Variants in LEKR1 observed in about 807,000 individuals in gnomAD.
The protein encoded by LEKR1 is protein LEKR1.
LEKR1 carries 59 observed loss-of-function variants against 72.4 expected under a neutral mutation model. The observed-to-expected ratio is 0.82, with a 90% CI of 0.66 to 1.01. The LOEUF (loss-of-function observed/expected upper bound fraction) is 1.01. Ranked by LOEUF, LEKR1 falls within the 50% of genes least tolerant of loss-of-function variation. The pLI is 0.00. For missense variants in LEKR1, 728 were observed against 759.2 expected (o/e 0.96, Z 0.48); for synonymous variants, 257 against 263.2 (o/e 0.98, Z 0.23).
At chr3:156,999,721 C>G (rs1430985954) in intron 9 of LEKR1, among the ~76,000 whole-genome samples, 1 of 152,144 alleles carries the variant, frequency 6.6e-6, no homozygotes, top group Non-Finnish European at 1.5e-5. Context: ...AGCGCTTTTT[C>G]TAATTCACCA....
intron 6 of LEKR1, among the ~76,000 whole-genome samples, chr3:156,949,062 C>T (rs892738739): frequency 1.3e-5 from 2 of 151,048 alleles, no homozygotes; most frequent in Admixed American, 6.6e-5. Flanking sequence ...TGATAATAGA[C>T]CTTTGTCTGC....
intron 6 of LEKR1, among the ~76,000 whole-genome samples, chr3:156,970,577 T>G (rs1197204396): frequency 6.6e-6 from 1 of 152,202 alleles, no homozygotes; most frequent in Non-Finnish European, 1.5e-5. Context: ...ATGACATGAT[T>G]GTGTATCTAG....
At chr3:156,911,953 T>C (rs1177361349) in intron 3 of LEKR1, among the ~76,000 whole-genome samples, 1 of 152,134 alleles carries the variant, frequency 6.6e-6, no homozygotes, top group African/African-American at 2.4e-5. Context: ...TTTGGCTTTG[T>C]TCTTTTTGCT....
Position 156,883,957 on chromosome 3 carries a change from C to A in LEKR1, c.263+30975C>A, listed in dbSNP as rs528707074. On this transcript the variant is annotated intron_variant, in intron 3 of 12. Coordinates refer to ENST00000356539, the MANE Select transcript of LEKR1 (RefSeq NM_001004316.3). The stretch of plus-strand genomic sequence containing the variant: ...TAATTGTTTTATAAATTTGGGAGTT[C>A]CAGTGTTAGGTACATATATATTTAG... Among the ~76,000 whole-genome samples the A allele has an allele frequency of 9.3e-4, 142 of 152,186 alleles. 2 individuals carry two copies. The highest frequency in any genetic ancestry group is 3.3e-3 in the African/African-American group (139 of 41,518).
intron 3 of LEKR1, among the ~76,000 whole-genome samples, chr3:156,902,901 G>C (rs1474671490): frequency 6.6e-6 from 1 of 151,734 alleles, no homozygotes; most frequent in South Asian, 2.1e-4. Context: ...TTTAAAAAAA[G>C]CACCATAATG....
rs535423381 is a variant in LEKR1, at chr3:156,909,404, T to C, written c.264-11171T>C. ...TGGTGGGTCATGCCTGCAATCCCAGTACTTTGGGAGGCCAAGGAGGGCTGA... is the reference window on the plus strand; with the variant it reads ...TGGTGGGTCATGCCTGCAATCCCAGCACTTTGGGAGGCCAAGGAGGGCTGA... On this transcript the variant is annotated intron_variant, in intron 3 of 12. Coordinates refer to ENST00000356539, the MANE Select transcript of LEKR1 (RefSeq NM_001004316.3). 8.5e-5 allele frequency among the ~76,000 whole-genome samples: 13 copies of C among 152,226 alleles called. No individual in the cohort carries two copies. In the South Asian group the frequency reaches 1.9e-3, roughly 22 times the overall value.
intron 6 of LEKR1, among the ~76,000 whole-genome samples, chr3:156,963,971 A>G (rs901519491): frequency 6.6e-6 from 1 of 152,198 alleles, no homozygotes; most frequent in Non-Finnish European, 1.5e-5. Flanking sequence ...TATGTGGGGA[A>G]GGCAGAAGAG....
At chr3:156,964,270 C>T (rs1728365774) in intron 6 of LEKR1, among the ~76,000 whole-genome samples, 1 of 151,870 alleles carries the variant, frequency 6.6e-6, no homozygotes, top group African/African-American at 2.4e-5. Flanking sequence ...GTACCCTTCC[C>T]CCCTCCTATT....
intron 6 of LEKR1, among the ~76,000 whole-genome samples, chr3:156,966,143 G>A (rs1416016520): frequency 6.6e-6 from 1 of 152,050 alleles, no homozygotes; most frequent in Non-Finnish European, 1.5e-5. Flanking sequence ...AAATAGTGAT[G>A]GGGGTGGAGC....
chr3:156,845,553 A>T (rs1248593217), intron 2 of LEKR1, among the ~76,000 whole-genome samples: 2 of 151,696 alleles, frequency 1.3e-5, no homozygotes, highest in African/African-American at 2.4e-5. Flanking sequence ...AAAAAAATGT[A>T]TGGATATCCA....
chr3:157,020,850 CCA>C (rs1733778618), intron 10 of LEKR1, among the ~76,000 whole-genome samples: 1 of 151,892 alleles, frequency 6.6e-6, no homozygotes, highest in African/African-American at 2.4e-5. Flanking sequence ...TGAGGAATCG[CCA>C]CACTGACTTC....
intron 2 of LEKR1, among the ~76,000 whole-genome samples, chr3:156,835,595 AT>A (rs1409977182): frequency 5.4e-4 from 83 of 152,326 alleles, no homozygotes; most frequent in Middle Eastern, 6.8e-3. Flanking sequence ...TAATCAGTCC[AT>A]TCCCCAATCC....
intron 7 of LEKR1, among the ~76,000 whole-genome samples, chr3:156,989,329 G>A (rs186892876): frequency 5.6e-4 from 85 of 152,222 alleles, no homozygotes; most frequent in South Asian, 1.2e-3. Flanking sequence ...GAAAATTCAC[G>A]TAGCTAAGTC....
At chr3:156,978,274 A>G (rs1729879012) in intron 6 of LEKR1, among the ~76,000 whole-genome samples, 1 of 152,220 alleles carries the variant, frequency 6.6e-6, no homozygotes, top group African/African-American at 2.4e-5. Context: ...GCCGATTTAT[A>G]TAGTTTTATG....
At chr3:156,955,183 T>C (rs1375421025) in intron 6 of LEKR1, among the ~76,000 whole-genome samples, 7 of 151,614 alleles carry the variant, frequency 4.6e-5, no homozygotes, top group African/African-American at 1.4e-4. Context: ...TGTATAGGAA[T>C]GTTTTTGCAC....
At chr3:156,914,541 A>G (rs907779896) in intron 3 of LEKR1, among the ~76,000 whole-genome samples, 2 of 151,898 alleles carry the variant, frequency 1.3e-5, no homozygotes, top group African/African-American at 4.8e-5. Context: ...TATGTGCCAC[A>G]TTTTCTTTAT....
At chr3:156,827,828 A>G (rs112570089) in intron 1 of LEKR1, among the ~76,000 whole-genome samples, 2,073 of 152,352 alleles carry the variant, frequency 0.014, 24 homozygotes, top group Non-Finnish European at 0.02. Context: ...CTTTGTTTAT[A>G]CTGTCATTTA....
chr3:156,898,342 A>C (rs1432401355), intron 3 of LEKR1, among the ~76,000 whole-genome samples: 2 of 151,980 alleles, frequency 1.3e-5, no homozygotes, highest in Admixed American at 1.3e-4. Flanking sequence ...GTAGGGCATG[A>C]CTCCCCAGAA....
At chr3:156,980,762 G>A (rs562802458) in intron 7 of LEKR1, among the ~76,000 whole-genome samples, 1 of 152,280 alleles carries the variant, frequency 6.6e-6, no homozygotes, top group Admixed American at 6.5e-5. Flanking sequence ...GAATTTGTGG[G>A]CATACCAAGA....
Sources: gnomAD v4.1 joint callset for allele counts (sites outside exome capture counted in the v4.1 genomes callset) on GRCh38, gnomAD v4.1.1 for gene constraint, MANE v1.5 for transcripts, NCBI Gene and HGNC (gene_info 2026-07-23, HGNC 2026-07-21) for gene names.